Variants in ALG1L2 observed in about 807,000 individuals in gnomAD.
ALG1L2 encodes putative glycosyltransferase ALG1L2.
ALG1L2 carries 32 observed loss-of-function variants against 29.0 expected under a neutral mutation model. The ratio of observed to expected loss-of-function variants is 1.10; its 90% CI spans 0.83 to 1.48. The LOEUF is 1.48. Among genes scored for constraint, ALG1L2 ranks in the 40% most tolerant of loss-of-function variants. ALG1L2 has a pLI of 0.00. For missense variants in ALG1L2, 318 were observed against 274.1 expected (o/e 1.16, Z -1.13); for synonymous variants, 110 against 109.5 (o/e 1.00, Z -0.03).
In ALG1L2 at chr3:130,091,286, G is replaced by A. The variant is rs1450800688; in HGVS notation, c.46G>A (p.Ala16Thr). 3.8e-6 allele frequency: 6 copies of A among 1,599,356 alleles called. No individual in the cohort carries two copies. The highest frequency in any genetic ancestry group is 2.2e-5 in the South Asian group (2 of 90,984). The change falls in exon 2 of 8, where the codon GCA becomes ACA. Residue 16 changes from alanine (A) to threonine (T), a missense_variant. Transcript: ENST00000425059. ...GWAVTVYDKP[A>T]SFFKEAPLDL... ...GGCTGTGACCGTCTACGACAAGCCG[G>A]CATCTTTCTTTAAAGAGGCACCTCT...
chr3:130,093,989 T>G, intron 4 of ALG1L2: 1 of 251,598 alleles, frequency 4.0e-6, no homozygotes. Flanking sequence ...CCGCGCCATG[T>G]GCTCTGGGGG....
At chr3:130,088,329 G>A (rs1229630153) in intron 1 of ALG1L2, among the ~76,000 whole-genome samples, 1 of 152,302 alleles carries the variant, frequency 6.6e-6, no homozygotes, top group Non-Finnish European at 1.5e-5. Context: ...CACATGCTGT[G>A]GGAGGGACCT....
At chr3:130,093,676 G>C (rs984464124) in intron 4 of ALG1L2, among the ~76,000 whole-genome samples, 1 of 152,106 alleles carries the variant, frequency 6.6e-6, no homozygotes, top group Non-Finnish European at 1.5e-5. Context: ...CACCCGCCTT[G>C]GCCTCCCAAT....
chr3:130,091,427 C>T (rs1935011442), intron 2 of ALG1L2, 56 bp downstream of exon 2: 2 of 1,528,194 alleles, frequency 1.3e-6, no homozygotes, highest in Non-Finnish European at 1.8e-6. Context: ...CCTGGCCTCT[C>T]CCCTTCTCAC....
At chr3:130,092,004 G>A (rs751358622) in intron 2 of ALG1L2, 97 bp from the exon 3 acceptor site, 79 of 1,566,636 alleles carry the variant, frequency 5.0e-5, no homozygotes, top group South Asian at 1.0e-4. Flanking sequence ...CACCCCAACC[G>A]TTGGGAGCCT....
intron 1 of ALG1L2, among the ~76,000 whole-genome samples, chr3:130,084,512 T>C (rs1293348626): frequency 3.0e-5 from 4 of 131,384 alleles, no homozygotes; most frequent in African/African-American, 7.7e-5. Flanking sequence ...ACATCATGGA[T>C]AAAAAGAAGC....
chr3:130,095,928 G>A (rs1935119323), intron 5 of ALG1L2, 121 bp from the exon 6 acceptor site: 2 of 1,034,166 alleles, frequency 1.9e-6, no homozygotes, highest in Non-Finnish European at 2.9e-6. Flanking sequence ...TTGTGGTTGG[G>A]GATGTCGGGG....
intron 1 of ALG1L2, 90 bp from the exon 2 acceptor site, chr3:130,091,171 C>A (rs939178313): frequency 1.6e-6 from 2 of 1,217,476 alleles, no homozygotes; most frequent in Non-Finnish European, 2.3e-6. Flanking sequence ...GGATGGGTGA[C>A]GTTGGGCATG....
At chr3:130,085,426 A>T (rs1463572692) in intron 1 of ALG1L2, among the ~76,000 whole-genome samples, 1 of 107,480 alleles carries the variant, frequency 9.3e-6, no homozygotes, top group African/African-American at 3.1e-5. Context: ...TAATAGAGAT[A>T]GGAGTCTCCC....
At chr3:130,094,856 C>T (rs1386934335) in intron 5 of ALG1L2, among the ~76,000 whole-genome samples, 1 of 152,208 alleles carries the variant, frequency 6.6e-6, no homozygotes, top group Non-Finnish European at 1.5e-5. Context: ...GGTACAGGGA[C>T]GATGAGTCAG....
At position 130,093,423 on chromosome 3, in the gene ALG1L2, G is replaced by C. The variant is rs541483941; in HGVS notation, c.313+263G>C. 6.6e-5 allele frequency among the ~76,000 whole-genome samples: 9 copies of C among 136,298 alleles called. 1 individual carries two copies. The South Asian group carries it at 2.1e-3, about 32-fold the overall frequency. The allele number at this position is 136,298 out of a possible 152,430, so 89.4% of individuals were successfully genotyped here. ...CCAAGCATCTTTTTTTTGTTGTTAT[G>C]TCATTGGTGTCTTTTTTTTTTTTTT... On this transcript the variant is annotated intron_variant, in intron 4 of 7. Coordinates refer to ENST00000425059, the MANE Select transcript of ALG1L2 (RefSeq NM_001136152.1).
Position 130,083,453 on chromosome 3 carries a change from C to T in ALG1L2, c.20+1417C>T, listed in dbSNP as rs751150117. Reference sequence around the variant, plus strand: ...GCAAGACTCTGTCTCGGGAAAAAAACAAAAACAAACAAACAAACAAAAACA... The same window carrying T: ...GCAAGACTCTGTCTCGGGAAAAAAATAAAAACAAACAAACAAACAAAAACA... On this transcript the variant is annotated intron_variant, in intron 1 of 7. Transcript: ENST00000425059. Among the ~76,000 whole-genome samples the T allele has an allele frequency of 2.4e-5, 3 of 126,688 alleles. 1 individual carries two copies. Among genetic ancestry groups the T allele is most frequent in the Non-Finnish European group, 5.5e-5 (3 of 54,492 alleles). The allele number at this position is 126,688 out of a possible 152,430, so 83.1% of individuals were successfully genotyped here.
chr3:130,094,857 G>A (rs911766476), intron 5 of ALG1L2, among the ~76,000 whole-genome samples: 3 of 152,224 alleles, frequency 2.0e-5, no homozygotes, highest in East Asian at 1.9e-4. Context: ...GTACAGGGAC[G>A]ATGAGTCAGA....
chr3:130,088,029 T>C (rs1934928249), intron 1 of ALG1L2, among the ~76,000 whole-genome samples: 1 of 152,310 alleles, frequency 6.6e-6, no homozygotes, highest in South Asian at 2.1e-4. Context: ...GGGGACTTTC[T>C]GAGCCCCCAT....
intron 2 of ALG1L2, 70 bp from the exon 3 acceptor site, chr3:130,092,031 C>G: frequency 6.3e-7 from 1 of 1,588,932 alleles, no homozygotes; most frequent in Admixed American, 1.8e-5. Context: ...CTCACCATGG[C>G]AGGAGATGCC....
intron 2 of ALG1L2, 146 bp from the exon 3 acceptor site, chr3:130,091,955 G>T: frequency 2.3e-6 from 3 of 1,333,034 alleles, no homozygotes; most frequent in South Asian, 1.3e-5. Flanking sequence ...CCCAGGCCTC[G>T]ATTGGCAGGG....
At chr3:130,094,557 G>A in intron 5 of ALG1L2, 44 bp downstream of exon 5, 1 of 1,417,826 alleles carries the variant, frequency 7.1e-7, no homozygotes, top group Non-Finnish European at 9.7e-7. Context: ...GGGGCCTTAT[G>A]CAGGGGGAAC....
At chr3:130,097,422 G>T (rs918649683) in intron 7 of ALG1L2, among the ~76,000 whole-genome samples, 172 bp downstream of exon 7, 7 of 152,146 alleles carry the variant, frequency 4.6e-5, no homozygotes, top group African/African-American at 1.7e-4. Flanking sequence ...GTCCCATTTC[G>T]GTACAGTAGG....
At chr3:130,095,969 G>A (rs995591076) in intron 5 of ALG1L2, 80 bp from the exon 6 acceptor site, 109 of 1,449,672 alleles carry the variant, frequency 7.5e-5, no homozygotes, top group South Asian at 4.0e-4. Context: ...CCCTCGGGGG[G>A]TGTTGCCTCA....
Sources: allele counts gnomAD v4.1 joint callset (sites outside exome capture counted in the v4.1 genomes callset), GRCh38; gene constraint gnomAD v4.1.1; transcripts MANE v1.5; gene names NCBI Gene and HGNC (gene_info 2026-07-23, HGNC 2026-07-21).